Variants in TNKS observed in about 807,000 individuals in gnomAD.
The protein encoded by TNKS is poly [ADP-ribose] polymerase tankyrase-1.
TNKS carries 72 observed loss-of-function variants against 135.8 expected under a neutral mutation model. The observed-to-expected ratio is 0.53, with a 90% CI of 0.44 to 0.64. The LOEUF is 0.64. Among genes scored for constraint, TNKS ranks in the 30% least tolerant of loss-of-function variants. TNKS has a pLI of 0.00. For missense variants in TNKS, 1,769 were observed against 1,674.0 expected (o/e 1.06, Z -0.99); for synonymous variants, 849 against 649.3 (o/e 1.31, Z -4.68).
chr8:9,623,369 G>C (rs944482185), intron 3 of TNKS, among the ~76,000 whole-genome samples: 1 of 151,836 alleles, frequency 6.6e-6, no homozygotes, highest in Non-Finnish European at 1.5e-5. Context: ...GCATACCTCA[G>C]AGTTAGTGCA....
intron 5 of TNKS, among the ~76,000 whole-genome samples, chr8:9,685,966 T>C (rs1349423015): frequency 6.6e-6 from 1 of 152,188 alleles, no homozygotes; most frequent in Non-Finnish European, 1.5e-5. Context: ...TTTTTCCAAA[T>C]ACTGTGTTTG....
intron 3 of TNKS, among the ~76,000 whole-genome samples, chr8:9,648,287 A>AT (rs531879944): frequency 8.6e-5 from 13 of 151,936 alleles, no homozygotes; most frequent in South Asian, 2.1e-4. Flanking sequence ...TAAAAGTTTC[A>AT]TTTTTTTTAA....
rs142159182 is a variant in TNKS, at chr8:9,620,126, T to C, written c.994+4449T>C. ...CACCACGCCCAGCTAATTTTTGTATTTTTAGTATAGATGGACTTTCACCAC... is the reference window on the plus strand; with the variant it reads ...CACCACGCCCAGCTAATTTTTGTATCTTTAGTATAGATGGACTTTCACCAC... On this transcript the variant is annotated intron_variant, in intron 3 of 26. Coordinates refer to ENST00000310430, the MANE Select transcript of TNKS (RefSeq NM_003747.3). 2.1e-3 allele frequency among the ~76,000 whole-genome samples: 323 copies of C among 152,168 alleles called. 6 individuals carry two copies. In the East Asian group the frequency reaches 0.052, roughly 25 times the overall value.
At chr8:9,731,664 G>A (rs1346075479) in intron 14 of TNKS, among the ~76,000 whole-genome samples, 1 of 152,004 alleles carries the variant, frequency 6.6e-6, no homozygotes, top group African/African-American at 2.4e-5. Flanking sequence ...CTTCCTATAT[G>A]GTCTGCTTTG....
At chr8:9,568,548 G>A (rs936646425) in intron 1 of TNKS, among the ~76,000 whole-genome samples, 1 of 152,134 alleles carries the variant, frequency 6.6e-6, no homozygotes, top group African/African-American at 2.4e-5. Flanking sequence ...ATGTAAATAT[G>A]TGTAAACAAC....
intron 3 of TNKS, among the ~76,000 whole-genome samples, chr8:9,673,661 G>A (rs776552421): frequency 3.3e-5 from 5 of 151,972 alleles, no homozygotes; most frequent in African/African-American, 1.2e-4. Flanking sequence ...GACCAGGCTG[G>A]TATTGAACTC....
chr8:9,665,658 G>C (rs138679440), intron 3 of TNKS, among the ~76,000 whole-genome samples: 1 of 152,292 alleles, frequency 6.6e-6, no homozygotes, highest in Non-Finnish European at 1.5e-5. Flanking sequence ...GAATGAGGTA[G>C]CCTCATAATA....
chr8:9,713,357 C>G (rs1275988002), intron 11 of TNKS, among the ~76,000 whole-genome samples: 1 of 152,156 alleles, frequency 6.6e-6, no homozygotes, highest in African/African-American at 2.4e-5. Flanking sequence ...AGGAATAATG[C>G]CCTTCATTTT....
chr8:9,757,829 C>T (rs1806925125), intron 20 of TNKS, among the ~76,000 whole-genome samples: 2 of 152,178 alleles, frequency 1.3e-5, no homozygotes, highest in Admixed American at 1.3e-4. Context: ...TAAAGAAATA[C>T]ATAGCATAAA....
intron 3 of TNKS, among the ~76,000 whole-genome samples, chr8:9,631,399 C>G (rs1283989652): frequency 6.6e-6 from 1 of 152,150 alleles, no homozygotes; most frequent in Non-Finnish European, 1.5e-5. Flanking sequence ...ACTTTCACAT[C>G]ATGCTTATAA....
At chr8:9,664,129 T>C (rs1359482346) in intron 3 of TNKS, among the ~76,000 whole-genome samples, 2 of 152,156 alleles carry the variant, frequency 1.3e-5, no homozygotes, top group African/African-American at 2.4e-5. Context: ...GCTGGGTAAT[T>C]TATAAAGAAA....
intron 2 of TNKS, among the ~76,000 whole-genome samples, chr8:9,581,726 C>G (rs1419565893): frequency 6.6e-6 from 1 of 152,160 alleles, no homozygotes; most frequent in East Asian, 1.9e-4. Context: ...AAATATTATC[C>G]TTTCCAGGCT....
At chr8:9,756,648 C>T (rs1806847247) in intron 20 of TNKS, among the ~76,000 whole-genome samples, 3 of 152,174 alleles carry the variant, frequency 2.0e-5, no homozygotes, top group South Asian at 4.1e-4. Flanking sequence ...AACTAACCTG[C>T]TTTCCATCCA....
intron 3 of TNKS, among the ~76,000 whole-genome samples, chr8:9,652,469 A>T (rs1306640167): frequency 1.1e-4 from 17 of 152,216 alleles, no homozygotes; most frequent in Non-Finnish European, 2.5e-4. Flanking sequence ...CATTGGGATT[A>T]TAACTTTCTA....
intron 26 of TNKS, among the ~76,000 whole-genome samples, chr8:9,775,338 A>G (rs965740998): frequency 6.6e-6 from 1 of 151,618 alleles, no homozygotes; most frequent in East Asian, 1.9e-4. Flanking sequence ...CAGATTGGAA[A>G]GTCAGGAGAG....
chr8:9,581,681 A>G (rs1585193891), intron 2 of TNKS, among the ~76,000 whole-genome samples: 1 of 152,170 alleles, frequency 6.6e-6, no homozygotes, highest in Admixed American at 6.5e-5. Flanking sequence ...TTTCTCAGTC[A>G]TTAGTCAGAA....
intron 2 of TNKS, among the ~76,000 whole-genome samples, chr8:9,598,769 A>ATG (rs1798899677): frequency 6.2e-4 from 3 of 4,878 alleles, no homozygotes; most frequent in African/African-American, 5.4e-3. Context: ...GTGTGTGTAT[A>ATG]TATATATATA....
In TNKS at chr8:9,765,561, G is replaced by A. The variant is rs1433548465; in HGVS notation, c.3448-131G>A. On this transcript the variant is annotated intron_variant, in intron 23 of 26. Transcript: ENST00000310430. ...TTTTCTGAATTACACTGACATGGTA[G>A]CTTTATCACTTTTAAATTATGTCTT... 7 of 688,588 alleles carry A rather than the reference G, an allele frequency of 1.0e-5. No homozygotes were observed. The Admixed American group carries it at 1.4e-4, about 14-fold the overall frequency. The allele number at this position is 688,588 out of a possible 1,614,324, so 42.7% of individuals were successfully genotyped here.
chr8:9,582,633 C>G (rs897003942), intron 2 of TNKS, among the ~76,000 whole-genome samples: 1 of 152,172 alleles, frequency 6.6e-6, no homozygotes, highest in African/African-American at 2.4e-5. Context: ...CTTTCTTGGC[C>G]TCTGTCTTTC....
Sources: allele counts gnomAD v4.1 joint callset (sites outside exome capture counted in the v4.1 genomes callset), GRCh38; gene constraint gnomAD v4.1.1; transcripts MANE v1.5; gene names NCBI Gene and HGNC (gene_info 2026-07-23, HGNC 2026-07-21).